The following ZDHHC14 variants were observed in gnomAD, a reference collection of about 807,000 sequenced individuals.
The protein encoded by ZDHHC14 is zDHHC palmitoyltransferase 14.
A neutral mutation model predicts 47.7 loss-of-function variants in ZDHHC14; 16 were observed. That is an observed-to-expected ratio of 0.34 (90% CI 0.23 to 0.51). The LOEUF is 0.51. Among genes scored for constraint, ZDHHC14 ranks in the 20% least tolerant of loss-of-function variants. ZDHHC14 has a pLI of 0.97. For synonymous variants in ZDHHC14, 293 were observed against 278.9 expected (o/e 1.05, Z -0.50); for missense variants, 515 against 662.5 (o/e 0.78, Z 2.44).
chr6:157,562,279 G>C lies in ZDHHC14; in HGVS notation c.406+19534G>C, dbSNP rs140614422. On this transcript the variant is annotated intron_variant, in intron 2 of 8. Coordinates refer to ENST00000359775, the MANE Select transcript of ZDHHC14 (RefSeq NM_024630.3). ...CAGCCCTGGGCAATGAAGGGCAGAA[G>C]TGGGGACCAGGGATGCCCAACTGGG... Among the ~76,000 whole-genome samples, 399 of 152,336 alleles carry C rather than the reference G, an allele frequency of 2.6e-3. 2 individuals are homozygous for C. Among genetic ancestry groups the C allele is most frequent in the African/African-American group, 9.1e-3 (379 of 41,576 alleles).
In ZDHHC14 at chr6:157,382,060, G is replaced by A; in HGVS notation, c.39G>A (p.Glu13=). Residue 13 remains glutamate (E), a synonymous_variant, in exon 1 of 9, where the codon GAG becomes GAA. Coordinates refer to ENST00000359775, the MANE Select transcript of ZDHHC14 (RefSeq NM_024630.3). ...GCGGCGGGCCCATGAAAGACTGCGA[G>A]TACAGCCAGATCAGCACCCACAGCT... ...PGGGGPMKDC[E]YSQISTHSSS... 6.3e-7 allele frequency: 1 copy of A among 1,595,350 alleles called. No homozygotes were observed. The highest frequency in any genetic ancestry group is 1.1e-5 in the South Asian group (1 of 88,882).
chr6:157,422,306 C>T (rs1486755234), intron 1 of ZDHHC14, among the ~76,000 whole-genome samples: 1 of 152,010 alleles, frequency 6.6e-6, no homozygotes, highest in Non-Finnish European at 1.5e-5. Context: ...GTCAGAGAAA[C>T]AATGCAAATT....
rs879236253 is a variant in ZDHHC14, at chr6:157,586,665, G to T, written c.407-6323G>T. On this transcript the variant is annotated intron_variant, in intron 2 of 8. Transcript: ENST00000359775. This position sits in a 1 kb window ranked among gnomAD's most constrained non-coding sequence, Gnocchi z 4.6. ...CAGACAGCCCAGCAGAGCCCTCCCA[G>T]GACCCCAGCGGCCCTCGGCAACCCC... is the stretch of plus-strand genomic sequence containing the variant. 6.6e-6 allele frequency among the ~76,000 whole-genome samples: 1 copy of T among 151,774 alleles called. No individual in the cohort carries two copies. Among genetic ancestry groups the T allele is most frequent in the Admixed American group, 6.6e-5 (1 of 15,238 alleles).
chr6:157,493,069 A>G (rs1444365805), intron 1 of ZDHHC14, among the ~76,000 whole-genome samples: 1 of 152,188 alleles, frequency 6.6e-6, no homozygotes, highest in Non-Finnish European at 1.5e-5. Context: ...CTGGCACTTG[A>G]AAGGCAGAAG....
chr6:157,575,294 T>C (rs1191257314), intron 2 of ZDHHC14, among the ~76,000 whole-genome samples: 2 of 152,238 alleles, frequency 1.3e-5, no homozygotes, highest in African/African-American at 2.4e-5. Flanking sequence ...CTAAAAAATA[T>C]CTTCATGGCA....
At chr6:157,628,732 G>C in intron 4 of ZDHHC14, 2 of 480,970 alleles carry the variant, frequency 4.2e-6, no homozygotes, top group South Asian at 4.7e-5. Flanking sequence ...TCGCACCTAG[G>C]CCAGGCTGCG....
chr6:157,641,364 C>A (rs1190881451), intron 5 of ZDHHC14, among the ~76,000 whole-genome samples: 1 of 152,184 alleles, frequency 6.6e-6, no homozygotes, highest in Non-Finnish European at 1.5e-5. Flanking sequence ...GTCCCCACAC[C>A]TTTATGGCAC....
rs1403103771 is a variant in ZDHHC14 at position 157,427,855 on chromosome 6, G to A, written c.245+45589G>A. ...CCCCCAAGGACAATGGAATGGTGGG[G>A]CTCTAGTCTTCATCTTTTCTCAGTA... On this transcript the variant is annotated intron_variant, in intron 1 of 8. Transcript: ENST00000359775. This position sits in a 1 kb window ranked among gnomAD's most constrained non-coding sequence, Gnocchi z 4.4. Among the ~76,000 whole-genome samples the A allele has an allele frequency of 6.6e-6, 1 of 152,078 alleles. No individual in the cohort carries two copies. The highest frequency in any genetic ancestry group is 1.5e-5 in the Non-Finnish European group (1 of 68,032).
chr6:157,539,333 G>A (rs1300222530), intron 1 of ZDHHC14, among the ~76,000 whole-genome samples: 1 of 152,112 alleles, frequency 6.6e-6, no homozygotes, highest in Non-Finnish European at 1.5e-5. Flanking sequence ...AGCCCCAGGA[G>A]TTCAAAGCTG....
At chr6:157,478,947 C>T (rs888501699) in intron 1 of ZDHHC14, among the ~76,000 whole-genome samples, 1 of 152,200 alleles carries the variant, frequency 6.6e-6, no homozygotes, top group African/African-American at 2.4e-5. Flanking sequence ...GCACCAGATC[C>T]ATGATCTGGG....
At chr6:157,413,921 TG>T (rs1777920941) in intron 1 of ZDHHC14, among the ~76,000 whole-genome samples, 1 of 21,714 alleles carries the variant, frequency 4.6e-5, no homozygotes, top group African/African-American at 2.3e-4. Context: ...TTTCTCTCTG[TG>T]CTATTATTAT....
At chr6:157,487,429 A>C (rs1388309737) in intron 1 of ZDHHC14, among the ~76,000 whole-genome samples, 1 of 152,222 alleles carries the variant, frequency 6.6e-6, no homozygotes, top group Non-Finnish European at 1.5e-5. Context: ...GACTAAAGAA[A>C]ATCCAAAATA....
intron 8 of ZDHHC14, among the ~76,000 whole-genome samples, chr6:157,665,010 C>T (rs1364941126): frequency 6.6e-6 from 1 of 152,200 alleles, no homozygotes; most frequent in Non-Finnish European, 1.5e-5. Context: ...CTATGGTCTG[C>T]TCAGACTCCA....
At chr6:157,590,526 C>G (rs899988426) in intron 2 of ZDHHC14, among the ~76,000 whole-genome samples, 2 of 152,192 alleles carry the variant, frequency 1.3e-5, no homozygotes, top group Non-Finnish European at 2.9e-5. Flanking sequence ...TGTAGGTGCA[C>G]AGAAGACAAT....
chr6:157,606,659 AG>A, intron 3 of ZDHHC14, among the ~76,000 whole-genome samples: 1 of 152,290 alleles, frequency 6.6e-6, no homozygotes, highest in African/African-American at 2.4e-5. Flanking sequence ...GGGCAGTCAG[AG>A]CAGGCTCATG....
At chr6:157,457,521 C>T (rs1373796892) in intron 1 of ZDHHC14, among the ~76,000 whole-genome samples, 1 of 152,034 alleles carries the variant, frequency 6.6e-6, no homozygotes, top group African/African-American at 2.4e-5. Flanking sequence ...AGTAGGAGTA[C>T]ACAAAAATGA....
At chr6:157,469,348 C>A (rs1583674997) in intron 1 of ZDHHC14, among the ~76,000 whole-genome samples, 1 of 152,178 alleles carries the variant, frequency 6.6e-6, no homozygotes, top group African/African-American at 2.4e-5. Context: ...AATGAATGTC[C>A]TTCCTAGTAG....
intron 2 of ZDHHC14, among the ~76,000 whole-genome samples, chr6:157,558,536 G>A (rs889053435): frequency 6.6e-6 from 1 of 152,192 alleles, no homozygotes; most frequent in Non-Finnish European, 1.5e-5. Flanking sequence ...ATTTTGTGGA[G>A]AGGAGGAATT....
At chr6:157,549,682 C>A (rs1254209749) in intron 2 of ZDHHC14, among the ~76,000 whole-genome samples, 1 of 152,082 alleles carries the variant, frequency 6.6e-6, no homozygotes, top group Non-Finnish European at 1.5e-5. Context: ...AACTGGAAAC[C>A]AGATGTCACA....
Sources: gnomAD v4.1 joint callset for allele counts (sites outside exome capture counted in the v4.1 genomes callset) on GRCh38, gnomAD v4.1.1 for gene constraint, Gnocchi (gnomAD v3.1) non-coding constraint, MANE v1.5 for transcripts, NCBI Gene and HGNC (gene_info 2026-07-23, HGNC 2026-07-21) for gene names.